Variants in GRHL1 observed in about 807,000 individuals in gnomAD.
The protein encoded by GRHL1 is grainyhead like transcription factor 1.
A neutral mutation model predicts 75.7 loss-of-function variants in GRHL1; 38 were observed. That is an observed-to-expected ratio of 0.50 (90% CI 0.39 to 0.66). GRHL1 has a LOEUF of 0.66. Among genes scored for constraint, GRHL1 ranks in the 30% least tolerant of loss-of-function variants. The pLI is 0.00. For missense variants in GRHL1, 589 were observed against 767.5 expected, an observed-to-expected ratio of 0.77 and a Z score of 2.75; for synonymous variants, 266 against 279.4, an observed-to-expected ratio of 0.95 and a Z score of 0.48.
intron 8 of GRHL1, among the ~76,000 whole-genome samples, chr2:9,975,104 C>G (rs868573594): frequency 1.3e-5 from 2 of 152,150 alleles, no homozygotes; most frequent in African/African-American, 4.8e-5. Context: ...CAGCTTAGTC[C>G]GAGGAGGTGC....
At chr2:9,969,603 G>A (rs997605608) in intron 8 of GRHL1, among the ~76,000 whole-genome samples, 2 of 152,156 alleles carry the variant, frequency 1.3e-5, no homozygotes, top group East Asian at 1.9e-4. Context: ...TAAGCACAGA[G>A]GAGAAATTAT....
In GRHL1 at chr2:9,961,259, T is replaced by G. The variant is rs1247169716; in HGVS notation, c.492T>G (p.His164Gln). 2.5e-6 allele frequency: 4 copies of G among 1,614,042 alleles called. No individual in the cohort carries two copies. Among genetic ancestry groups the G allele is most frequent in the Middle Eastern group, 1.6e-4 (1 of 6,084 alleles). Residue 164 changes from histidine (H) to glutamine (Q), a missense_variant, in exon 4 of 16, where the codon CAT (histidine) becomes CAG (glutamine). His to Gln is a conservative substitution (Grantham distance 24). Coordinates refer to ENST00000324907, the MANE Select transcript of GRHL1 (RefSeq NM_198182.3). The stretch of plus-strand genomic sequence containing the variant: ...CCATCAAGACAGAAACCCAGCCACA[T>G]GGCTTCGCTGTGGGAATCCCCCCAG... Reference protein sequence around the residue: ...THSIKTETQPHGFAVGIPPAV... With the variant: ...THSIKTETQPQGFAVGIPPAV...
At chr2:9,998,188 A>G (rs1668956971) in intron 14 of GRHL1, among the ~76,000 whole-genome samples, 1 of 152,166 alleles carries the variant, frequency 6.6e-6, no homozygotes, top group African/African-American at 2.4e-5. Context: ...GACAAGTGTA[A>G]CGTTTGATCT....
At chr2:9,979,362 G>A (rs1207429683) in intron 8 of GRHL1, among the ~76,000 whole-genome samples, 1 of 151,540 alleles carries the variant, frequency 6.6e-6, no homozygotes, top group Non-Finnish European at 1.5e-5. Flanking sequence ...GGCCTCCCAA[G>A]TAGCTGGGAC....
chr2:9,983,440 A>G (rs1340326882), intron 8 of GRHL1, among the ~76,000 whole-genome samples: 18 of 152,192 alleles, frequency 1.2e-4, no homozygotes, highest in Non-Finnish European at 2.9e-5. Context: ...GCAAATCATC[A>G]TGAATGCACA....
chr2:9,984,983 G>C (rs1272082962), intron 8 of GRHL1, among the ~76,000 whole-genome samples: 1 of 151,628 alleles, frequency 6.6e-6, no homozygotes, highest in African/African-American at 2.4e-5. Flanking sequence ...TGGGAGCATG[G>C]CTTGAATCCA....
intron 5 of GRHL1, 100 bp from the exon 6 acceptor site, chr2:9,963,786 T>C: frequency 1.3e-6 from 1 of 785,278 alleles, no homozygotes; most frequent in Non-Finnish European, 2.0e-6. Context: ...TTTCAGATTT[T>C]CTTTAAGTGA....
At chr2:9,966,461 A>C (rs960937334) in intron 8 of GRHL1, 1 of 152,194 alleles carries the variant, frequency 6.6e-6, no homozygotes, top group African/African-American at 2.4e-5. Flanking sequence ...AGTTGTTAAC[A>C]GAAGACTGAT....
intron 14 of GRHL1, among the ~76,000 whole-genome samples, chr2:9,997,381 C>T (rs927565335): frequency 4.6e-5 from 7 of 152,148 alleles, no homozygotes; most frequent in Admixed American, 2.0e-4. Flanking sequence ...CTCAGCCAGG[C>T]GCCCCAAGTC....
At chr2:9,989,966 T>C (rs1668573318) in intron 9 of GRHL1, among the ~76,000 whole-genome samples, 1 of 152,176 alleles carries the variant, frequency 6.6e-6, no homozygotes, top group South Asian at 2.1e-4. Context: ...AATCACAGCC[T>C]TCAGTGATAA....
chr2:9,986,454 G>T (rs1032323046), intron 9 of GRHL1, among the ~76,000 whole-genome samples, 172 bp downstream of exon 9: 4 of 152,112 alleles, frequency 2.6e-5, no homozygotes, highest in Admixed American at 6.6e-5. Context: ...GTCTCCCTCT[G>T]TCTCCCAGGC....
chr2:9,957,410 A>G (rs1435877189), intron 2 of GRHL1, among the ~76,000 whole-genome samples: 1 of 142,638 alleles, frequency 7.0e-6, no homozygotes, highest in East Asian at 2.0e-4. Context: ...TACATGAAGC[A>G]GTATTTTTTT....
chr2:9,964,080 A>G, intron 6 of GRHL1, 38 bp downstream of exon 6: 1 of 1,584,902 alleles, frequency 6.3e-7, no homozygotes, highest in East Asian at 2.2e-5. Flanking sequence ...TAGGAAAGCT[A>G]GTCAGAGCCT....
At position 9,994,198 on chromosome 2, in the gene GRHL1, G is replaced by A. The variant is rs188905158; in HGVS notation, c.1499+954G>A. ...CTTGCTCTGAGGCCCATGTAGGAGT[G>A]CAGGGGTGCAGTCACAGCTCACTGC... On this transcript the variant is annotated intron_variant, in intron 12 of 15. Coordinates refer to ENST00000324907, the MANE Select transcript of GRHL1 (RefSeq NM_198182.3). Among the ~76,000 whole-genome samples, 35 of 152,226 alleles carry A rather than the reference G, an allele frequency of 2.3e-4. 1 individual carries two copies. The highest frequency in any genetic ancestry group is 6.5e-5 in the Admixed American group (1 of 15,300).
intron 9 of GRHL1, among the ~76,000 whole-genome samples, chr2:9,986,838 T>C (rs1016730625): frequency 2.6e-5 from 4 of 152,198 alleles, no homozygotes; most frequent in Non-Finnish European, 5.9e-5. Flanking sequence ...TCCTGAGTAG[T>C]TGGGACTACA....
intron 8 of GRHL1, chr2:9,966,262 G>A (rs1558296653): frequency 6.6e-6 from 1 of 152,270 alleles, no homozygotes; most frequent in Non-Finnish European, 1.5e-5. Flanking sequence ...GCCAGGCGTG[G>A]TGGCACACGC....
intron 2 of GRHL1, among the ~76,000 whole-genome samples, chr2:9,956,957 G>T (rs1222952467): frequency 6.6e-6 from 1 of 151,472 alleles, no homozygotes; most frequent in African/African-American, 2.4e-5. Context: ...TTACTTGTCA[G>T]ACTTCTTGTG....
At chr2:9,952,212 G>A (rs955258478) in intron 1 of GRHL1, among the ~76,000 whole-genome samples, 3 of 152,030 alleles carry the variant, frequency 2.0e-5, no homozygotes, top group Non-Finnish European at 4.4e-5. Context: ...ACGCCCCCGG[G>A]CCTCCCCGCC....
Position 9,998,651 on chromosome 2 carries a change from CATATACATATATATGTACACAT to C in GRHL1, c.1678-308_1678-287del, listed in dbSNP as rs1558320617. On this transcript the variant is annotated intron_variant, in intron 14 of 15. Coordinates refer to ENST00000324907, the MANE Select transcript of GRHL1 (RefSeq NM_198182.3). Reference sequence around the variant, plus strand: ...ATATACATATATATGTACACATATACATATACATATATATGTACACATATATATACATATATATGTACACACA... The same window carrying C: ...ATATACATATATATGTACACATATACATATATACATATATATGTACACACA... Among the ~76,000 whole-genome samples, 8 of 25,902 alleles carry C rather than the reference CATATACATATATATGTACACAT, an allele frequency of 3.1e-4. 1 individual carries two copies. The African/African-American group carries it at 3.8e-3, about 12-fold the overall frequency. 17.0% of individuals were successfully genotyped at this position (25,902 alleles called of 152,430 possible).
Sources: allele counts gnomAD v4.1 joint callset (sites outside exome capture counted in the v4.1 genomes callset), GRCh38; gene constraint gnomAD v4.1.1; transcripts MANE v1.5; gene names NCBI Gene and HGNC (gene_info 2026-07-23, HGNC 2026-07-21).